Variants in WAC observed in about 807,000 individuals in gnomAD.
WAC encodes the protein WW domain containing adaptor with coiled-coil, also known as WW domain-containing adapter protein with coiled-coil.
WAC carries 11 observed loss-of-function variants against 79.6 expected under a neutral mutation model. The observed-to-expected ratio is 0.14, with a 90% confidence interval of 0.09 to 0.23. The LOEUF is 0.23. Ranked by LOEUF, WAC falls within the 10% of genes least tolerant of loss-of-function variation. WAC has a pLI of 1.00. For missense variants in WAC, 728 were observed against 773.5 expected, an observed-to-expected ratio of 0.94 and a Z score of 0.70; for synonymous variants, 304 against 276.9, an observed-to-expected ratio of 1.10 and a Z score of -0.97.
chr10:28,538,855 A>G (rs1449299451), intron 3 of WAC, among the ~76,000 whole-genome samples: 1 of 139,274 alleles, frequency 7.2e-6, no homozygotes, highest in East Asian at 2.1e-4. Context: ...ATAGAGTGAG[A>G]CCCGTCTGTT....
At chr10:28,567,114 T>C (rs2132523726) in intron 3 of WAC, among the ~76,000 whole-genome samples, 1 of 152,188 alleles carries the variant, frequency 6.6e-6, no homozygotes, top group African/African-American at 2.4e-5. Context: ...TGTTATTCTT[T>C]TGCTACTTCT....
intron 7 of WAC, among the ~76,000 whole-genome samples, chr10:28,605,120 C>T (rs1300340868): frequency 1.3e-5 from 2 of 152,156 alleles, no homozygotes; most frequent in African/African-American, 2.4e-5. Flanking sequence ...TGCTGAAGAC[C>T]TGCATGGATA....
At chr10:28,553,525 ATG>A (rs1297324599) in intron 3 of WAC, among the ~76,000 whole-genome samples, 1 of 152,164 alleles carries the variant, frequency 6.6e-6, no homozygotes, top group Non-Finnish European at 1.5e-5. Context: ...TGTATTTTAA[ATG>A]TATGGCTTTT....
intron 12 of WAC, 95 bp downstream of exon 12, chr10:28,616,457 G>A: frequency 9.8e-7 from 1 of 1,016,862 alleles, no homozygotes; most frequent in South Asian, 2.6e-5. Flanking sequence ...CTGAATTCAA[G>A]CAATATTTAA....
intron 9 of WAC, 137 bp from the exon 10 acceptor site, chr10:28,611,637 A>G (rs1184347563): frequency 1.7e-5 from 22 of 1,260,798 alleles, no homozygotes; most frequent in East Asian, 5.0e-5. Flanking sequence ...ATTTATTCCA[A>G]TAAGTGTTCT....
At chr10:28,567,890 G>A (rs2790457) in intron 3 of WAC, among the ~76,000 whole-genome samples, 53,189 of 151,884 alleles carry the variant, frequency 0.35, 10,050 homozygotes, top group East Asian at 0.54. Context: ...AAGTAGCTGA[G>A]ACTAAAGGCA....
intron 3 of WAC, among the ~76,000 whole-genome samples, chr10:28,570,334 C>T (rs1385723787): frequency 6.6e-6 from 1 of 152,068 alleles, no homozygotes; most frequent in East Asian, 1.9e-4. Context: ...AACTTTTTTG[C>T]TATGCTTATA....
intron 3 of WAC, among the ~76,000 whole-genome samples, chr10:28,579,937 A>G (rs899816530): frequency 2.6e-5 from 4 of 152,138 alleles, no homozygotes; most frequent in Non-Finnish European, 2.9e-5. Context: ...TGCTTTGTAT[A>G]AAACCTCTTA....
intron 3 of WAC, among the ~76,000 whole-genome samples, chr10:28,578,605 C>T (rs1373366360): frequency 6.6e-6 from 1 of 151,996 alleles, no homozygotes; most frequent in Admixed American, 6.6e-5. Flanking sequence ...TCCTGGTTCC[C>T]TTTTGTAAAT....
At position 28,619,588 on chromosome 10, in the gene WAC, G is replaced by A; in HGVS notation, c.1926G>A (p.Gln642=). ...AGGAACTTGAAAAGCTAAAAAATCA[G>A]AATTCCTTCATGGTGTGAAGATGTG... is the stretch of plus-strand genomic sequence containing the variant. ...QIKELEKLKN[Q]NSFMV The change falls in exon 14 of 14, where the codon CAG becomes CAA. Residue 642 remains glutamine (Q), a synonymous_variant. Transcript: ENST00000354911. 6.3e-7 allele frequency: 1 copy of A among 1,577,464 alleles called. No homozygotes were observed. Among genetic ancestry groups the A allele is most frequent in the Non-Finnish European group, 8.5e-7 (1 of 1,170,558 alleles).
intron 4 of WAC, among the ~76,000 whole-genome samples, chr10:28,586,993 G>T (rs1426684405): frequency 6.6e-6 from 1 of 152,042 alleles, no homozygotes; most frequent in African/African-American, 2.4e-5. Flanking sequence ...CAGGCGAGGT[G>T]CTTCCCACCT....
At chr10:28,569,253 A>G (rs757395974) in intron 3 of WAC, among the ~76,000 whole-genome samples, 3 of 152,202 alleles carry the variant, frequency 2.0e-5, no homozygotes, top group Non-Finnish European at 4.4e-5. Context: ...AAATAATGGT[A>G]AAAATAGATT....
chr10:28,603,319 G>A (rs1372007039), intron 7 of WAC, among the ~76,000 whole-genome samples: 1 of 152,200 alleles, frequency 6.6e-6, no homozygotes, highest in Non-Finnish European at 1.5e-5. Context: ...CATGTGGCCC[G>A]TGGCCCATGG....
At chr10:28,538,356 C>A in intron 3 of WAC, 2 of 300,446 alleles carry the variant, frequency 6.7e-6, no homozygotes, top group South Asian at 2.5e-5. Flanking sequence ...CCGAGGCAGG[C>A]AGATCACCTG....
intron 4 of WAC, among the ~76,000 whole-genome samples, chr10:28,586,404 A>G (rs963429519): frequency 1.3e-5 from 2 of 152,184 alleles, no homozygotes; most frequent in African/African-American, 2.4e-5. Context: ...TGTTGGGCGC[A>G]GTGGCTCACA....
intron 3 of WAC, among the ~76,000 whole-genome samples, chr10:28,541,041 T>TCCA (rs1183773291): frequency 6.6e-6 from 1 of 152,196 alleles, no homozygotes; most frequent in East Asian, 1.9e-4. Context: ...TGTTTATAAT[T>TCCA]TAATGGTATT....
At chr10:28,604,006 TCTATA>T (rs1840798925) in intron 7 of WAC, among the ~76,000 whole-genome samples, 1 of 140,366 alleles carries the variant, frequency 7.1e-6, no homozygotes. Flanking sequence ...TATATATATT[TCTATA>T]CTAAAAGTAC....
chr10:28,603,158 T>C (rs1163688838), intron 7 of WAC, among the ~76,000 whole-genome samples: 1 of 152,228 alleles, frequency 6.6e-6, no homozygotes, highest in Non-Finnish European at 1.5e-5. Flanking sequence ...TCCAATCTTT[T>C]GGCTTCCCTG....
At chr10:28,608,616 G>C (rs1044881297) in intron 8 of WAC, 185 bp downstream of exon 8, 24 of 625,890 alleles carry the variant, frequency 3.8e-5, no homozygotes, top group East Asian at 3.8e-4. Context: ...AAGACCATTG[G>C]TAGTATAATT....
Sources: gnomAD v4.1 joint callset for allele counts (sites outside exome capture counted in the v4.1 genomes callset) on GRCh38, gnomAD v4.1.1 for gene constraint, MANE v1.5 for transcripts, NCBI Gene and HGNC (gene_info 2026-07-23, HGNC 2026-07-21) for gene names.